Variants in SLC35F1 observed in about 807,000 individuals in gnomAD.
SLC35F1 encodes the protein chromosome 6 open reading frame 169.
In SLC35F1, 14 loss-of-function variants were observed where a neutral mutation model predicts 48.7. The observed-to-expected ratio is 0.29, with a 90% confidence interval of 0.19 to 0.45. The LOEUF is 0.45. Among genes scored for constraint, SLC35F1 ranks in the 20% least tolerant of loss-of-function variants. SLC35F1 has a pLI of 1.00. For missense variants in SLC35F1, 404 were observed against 500.0 expected, an observed-to-expected ratio of 0.81 and a Z score of 1.83; for synonymous variants, 190 against 202.2, an observed-to-expected ratio of 0.94 and a Z score of 0.51.
At chr6:118,134,433 C>T (rs1426375324) in intron 1 of SLC35F1, among the ~76,000 whole-genome samples, 1 of 152,162 alleles carries the variant, frequency 6.6e-6, no homozygotes, top group African/African-American at 2.4e-5. Flanking sequence ...TTCAGCACTC[C>T]AGGGGCATAA....
At chr6:118,278,941 C>G (rs1440520833) in intron 6 of SLC35F1, among the ~76,000 whole-genome samples, 1 of 152,164 alleles carries the variant, frequency 6.6e-6, no homozygotes, top group Non-Finnish European at 1.5e-5. Context: ...AATGAGTCAT[C>G]AAAAGATAGT....
At chr6:118,285,768 A>G (rs1776041583) in intron 7 of SLC35F1, among the ~76,000 whole-genome samples, 1 of 152,192 alleles carries the variant, frequency 6.6e-6, no homozygotes, top group Non-Finnish European at 1.5e-5. Context: ...TGCTTTGCAG[A>G]TTTTTTTATA....
chr6:118,159,148 G>A (rs1490426861), intron 2 of SLC35F1, among the ~76,000 whole-genome samples: 1 of 146,390 alleles, frequency 6.8e-6, no homozygotes. Context: ...GTGAACCTGG[G>A]AGGCAGAGCT....
chr6:117,996,485 G>A (rs1244498673), intron 1 of SLC35F1, among the ~76,000 whole-genome samples: 1 of 152,144 alleles, frequency 6.6e-6, no homozygotes, highest in Non-Finnish European at 1.5e-5. Context: ...TCCTCAAGTG[G>A]GTCCCTGACC....
Position 118,314,081 on chromosome 6 carries a change from C to T in SLC35F1, c.1056C>T (p.Leu352=), listed in dbSNP as rs377754787. The change falls in exon 8 of 8, where the codon CTC becomes CTT. Residue 352 remains leucine (L), a synonymous_variant. Coordinates refer to ENST00000360388, the MANE Select transcript of SLC35F1 (RefSeq NM_001029858.4). ...SFFTILIGLV[L]YSSTSTYIAQ... The stretch of plus-strand genomic sequence containing the variant: ...TCACCATCCTCATTGGGCTGGTGCT[C>T]TACTCCTCCACCTCCACCTACATAG... The T allele has an allele frequency of 1.9e-6, 3 of 1,614,042 alleles. No individual in the cohort carries two copies. The highest frequency in any genetic ancestry group is 2.5e-6 in the Non-Finnish European group (3 of 1,180,038).
intron 7 of SLC35F1, among the ~76,000 whole-genome samples, chr6:118,309,169 ATGTGTGTG>A (rs57832608): frequency 0.032 from 4,783 of 148,156 alleles, 202 homozygotes; most frequent in African/African-American, 0.11. Flanking sequence ...GGGCCTGTAG[ATGTGTGTG>A]TGTGTGTGTG....
intron 1 of SLC35F1, among the ~76,000 whole-genome samples, chr6:118,000,342 C>CA (rs145820988): frequency 0.99 from 150,966 of 151,844 alleles, 75,050 homozygotes; most frequent in Middle Eastern, 1. Context: ...GAACCAAAGA[C>CA]AAAACCACAT....
intron 7 of SLC35F1, among the ~76,000 whole-genome samples, chr6:118,308,579 G>A (rs1776338732): frequency 6.6e-6 from 1 of 152,134 alleles, no homozygotes; most frequent in African/African-American, 2.4e-5. Context: ...CAGATTCCAA[G>A]ACTCTACCCT....
intron 1 of SLC35F1, among the ~76,000 whole-genome samples, chr6:117,958,221 T>C (rs965034999): frequency 6.6e-5 from 10 of 152,186 alleles, no homozygotes; most frequent in African/African-American, 2.2e-4. Context: ...TATTTTTGCA[T>C]AGCTGTACAA....
intron 1 of SLC35F1, among the ~76,000 whole-genome samples, chr6:118,139,675 C>T (rs776838147): frequency 6.6e-6 from 1 of 152,122 alleles, no homozygotes; most frequent in African/African-American, 2.4e-5. Context: ...ATTCCAGAAA[C>T]ATGGTGGGGA....
At chr6:117,990,536 C>A (rs17079611) in intron 1 of SLC35F1, among the ~76,000 whole-genome samples, 2,970 of 152,272 alleles carry the variant, frequency 0.02, 183 homozygotes, top group East Asian at 0.13. Context: ...TAGTGCAGCT[C>A]AAGGCAACTC....
chr6:118,221,657 T>G (rs1283834799), intron 2 of SLC35F1, among the ~76,000 whole-genome samples: 8 of 152,186 alleles, frequency 5.3e-5, no homozygotes, highest in Non-Finnish European at 1.2e-4. Flanking sequence ...CATGAAAAAT[T>G]TCAATCTTAT....
intron 2 of SLC35F1, among the ~76,000 whole-genome samples, chr6:118,160,796 A>G (rs1444660375): frequency 2.6e-5 from 4 of 152,186 alleles, no homozygotes; most frequent in African/African-American, 4.8e-5. Context: ...CTGTCTACGC[A>G]TACAGCTGGA....
At chr6:118,019,482 C>T (rs754842356) in intron 1 of SLC35F1, among the ~76,000 whole-genome samples, 5 of 151,952 alleles carry the variant, frequency 3.3e-5, no homozygotes, top group South Asian at 2.1e-4. Context: ...ATTAGCCGGG[C>T]GTGGTGGTGT....
intron 1 of SLC35F1, among the ~76,000 whole-genome samples, chr6:117,917,936 G>C (rs2114798259): frequency 6.8e-6 from 1 of 147,996 alleles, no homozygotes; most frequent in East Asian, 2.0e-4. Flanking sequence ...GAAGTAGGAA[G>C]GAAACCAGGA....
chr6:118,119,494 G>GCCCGCC, intron 1 of SLC35F1, among the ~76,000 whole-genome samples: 1 of 52,192 alleles, frequency 1.9e-5, no homozygotes, highest in Non-Finnish European at 4.1e-5. Context: ...AATAACCGGC[G>GCCCGCC]CCCCCCCTCC....
At chr6:118,031,989 G>A (rs1772061448) in intron 1 of SLC35F1, among the ~76,000 whole-genome samples, 1 of 152,116 alleles carries the variant, frequency 6.6e-6, no homozygotes, top group African/African-American at 2.4e-5. Context: ...CGCCTCTGGA[G>A]TTGAGTCCTG....
intron 2 of SLC35F1, among the ~76,000 whole-genome samples, chr6:118,179,005 A>G (rs1666391345): frequency 1.3e-5 from 2 of 152,064 alleles, no homozygotes; most frequent in Admixed American, 6.6e-5. Context: ...CATCTTCTAG[A>G]TATAGTTTAA....
At chr6:118,042,369 A>T (rs12208166) in intron 1 of SLC35F1, among the ~76,000 whole-genome samples, 26,341 of 152,212 alleles carry the variant, frequency 0.17, 2,645 homozygotes, top group East Asian at 0.3. Context: ...GGCACAAAGC[A>T]TGAAACAACT....
Sources: gnomAD v4.1 joint callset for allele counts (sites outside exome capture counted in the v4.1 genomes callset) on GRCh38, gnomAD v4.1.1 for gene constraint, MANE v1.5 for transcripts, NCBI Gene and HGNC (gene_info 2026-07-23, HGNC 2026-07-21) for gene names.